KYNU: variants seen among roughly 807,000 people sequenced by gnomAD.
The protein encoded by KYNU is L-kynurenine hydrolase.
KYNU carries 54 observed loss-of-function variants against 59.2 expected under a neutral mutation model. The ratio of observed to expected loss-of-function variants is 0.91; its 90% CI spans 0.73 to 1.14. The LOEUF is 1.14. Ranked by LOEUF, KYNU falls within the 50% of genes most tolerant of loss-of-function variation. The pLI is 0.00. For synonymous variants in KYNU, 177 were observed against 192.0 expected, an observed-to-expected ratio of 0.92 and a Z score of 0.65; for missense variants, 567 against 554.4, an observed-to-expected ratio of 1.02 and a Z score of -0.23.
chr2:142,941,671 T>C (rs972544023), intron 4 of KYNU, among the ~76,000 whole-genome samples: 1 of 152,156 alleles, frequency 6.6e-6, no homozygotes, highest in Admixed American at 6.5e-5. Context: ...CACAGGAATT[T>C]AAGAGATTTG....
At chr2:143,010,992 A>T (rs1269620899) in intron 10 of KYNU, among the ~76,000 whole-genome samples, 2 of 146,040 alleles carry the variant, frequency 1.4e-5, no homozygotes, top group African/African-American at 5.1e-5. Flanking sequence ...CATTCAGGAC[A>T]TAGGCATGGG....
intron 8 of KYNU, among the ~76,000 whole-genome samples, chr2:142,963,234 C>T (rs932699465): frequency 9.2e-5 from 14 of 151,994 alleles, no homozygotes; most frequent in African/African-American, 3.4e-4. Flanking sequence ...GCCTTATAAC[C>T]ATCACCCCAT....
intron 10 of KYNU, among the ~76,000 whole-genome samples, chr2:142,997,029 TC>T (rs1685566250): frequency 6.6e-6 from 1 of 152,168 alleles, no homozygotes. Context: ...TCCTTTCCAC[TC>T]CTTTCTGTAA....
At chr2:142,964,716 G>T (rs1684473821) in intron 8 of KYNU, 1 of 152,134 alleles carries the variant, frequency 6.6e-6, no homozygotes, top group Non-Finnish European at 1.5e-5. Context: ...CATCAAAGAA[G>T]AAAACTAATT....
At chr2:142,927,437 C>T (rs1226858738) in intron 3 of KYNU, among the ~76,000 whole-genome samples, 1 of 134,678 alleles carries the variant, frequency 7.4e-6, no homozygotes, top group Non-Finnish European at 1.6e-5. Context: ...ACAATCTCCC[C>T]CATTCCTCAC....
chr2:142,951,254 A>G (rs1488783410), intron 4 of KYNU, among the ~76,000 whole-genome samples: 3 of 152,224 alleles, frequency 2.0e-5, no homozygotes, highest in Admixed American at 2.0e-4. Context: ...TGTTTAACAA[A>G]CAAACAAACA....
At chr2:142,988,831 T>C in intron 10 of KYNU, 5 of 1,585,188 alleles carry the variant, frequency 3.2e-6, no homozygotes, top group Non-Finnish European at 4.3e-6. Flanking sequence ...TATATTGTAC[T>C]TCATTTGCAT....
At chr2:142,963,783 T>G (rs1684432005) in intron 8 of KYNU, among the ~76,000 whole-genome samples, 1 of 152,208 alleles carries the variant, frequency 6.6e-6, no homozygotes, top group Non-Finnish European at 1.5e-5. Context: ...TTTGTCTAGT[T>G]TTGAACTTTA....
At position 143,001,241 on chromosome 2, in the gene KYNU, A is replaced by G. The variant is rs191645953; in HGVS notation, c.902+15220A>G. Among the ~76,000 whole-genome samples the G allele has an allele frequency of 1.0e-3, 154 of 152,230 alleles. 2 individuals carry two copies. Among genetic ancestry groups the G allele is most frequent in the Admixed American group, 8.9e-3 (136 of 15,282 alleles). On this transcript the variant is annotated intron_variant, in intron 10 of 13. Coordinates refer to ENST00000264170, the MANE Select transcript of KYNU (RefSeq NM_003937.3). ...GAGTCTGCCTACCACAATTCCATTG[A>G]ATATACTTAATTACCCCCTACCCCA...
intron 7 of KYNU, 128 bp downstream of exon 7, chr2:142,957,843 T>C: frequency 1.5e-6 from 1 of 656,244 alleles, no homozygotes; most frequent in Non-Finnish European, 2.7e-6. Context: ...GAAGGACCTA[T>C]ACTTCTGTTA....
In KYNU at chr2:143,045,486, T is replaced by C. The variant is rs985028453; in HGVS notation, c.*3314T>C. The C allele has an allele frequency of 1.3e-5, 2 of 152,170 alleles. No individual in the cohort carries two copies. Among genetic ancestry groups the C allele is most frequent in the Admixed American group, 6.6e-5 (1 of 15,262 alleles). The allele number at this position is 152,170 out of a possible 1,614,324, so 9.4% of individuals were successfully genotyped here. A position where few individuals can be genotyped will look rare whatever the true frequency, so the allele number is the denominator to read the frequency against. On this transcript the variant is annotated 3_prime_UTR_variant, in exon 14 of 14. Transcript: ENST00000264170. ...TGAGCATGGAATGTTTTTCCATTTG[T>C]TTGTGTCCTCTCTGGTATCCTTGAG...
At chr2:142,881,912 TTTTC>T (rs1477407396) in intron 1 of KYNU, among the ~76,000 whole-genome samples, 2 of 132,800 alleles carry the variant, frequency 1.5e-5, no homozygotes, top group African/African-American at 5.9e-5. Context: ...TTCTTTTCTT[TTTTC>T]TTTTTTTTTT....
chr2:142,954,425 A>C (rs190534882), intron 4 of KYNU, among the ~76,000 whole-genome samples: 19 of 152,204 alleles, frequency 1.2e-4, no homozygotes, highest in Non-Finnish European at 2.7e-4. Flanking sequence ...CGAACTTTAA[A>C]AATGTAATTG....
intron 8 of KYNU, among the ~76,000 whole-genome samples, chr2:142,984,670 G>A (rs1685147737): frequency 6.6e-6 from 1 of 151,986 alleles, no homozygotes; most frequent in African/African-American, 2.4e-5. Flanking sequence ...GAGATTTAAT[G>A]AAAATTGATC....
intron 2 of KYNU, among the ~76,000 whole-genome samples, chr2:142,888,626 G>T (rs929210507): frequency 6.6e-6 from 1 of 151,904 alleles, no homozygotes; most frequent in Non-Finnish European, 1.5e-5. Context: ...CAGAATTACT[G>T]AATCAGATTG....
At chr2:142,914,751 A>T (rs1682616550) in intron 2 of KYNU, among the ~76,000 whole-genome samples, 1 of 152,210 alleles carries the variant, frequency 6.6e-6, no homozygotes, top group African/African-American at 2.4e-5. Context: ...CTATGTCCGT[A>T]TAAGATGGTG....
chr2:142,989,073 G>T (rs572254756), intron 10 of KYNU, among the ~76,000 whole-genome samples: 1 of 151,846 alleles, frequency 6.6e-6, no homozygotes. Flanking sequence ...ACAATATCAC[G>T]CTGCTCAAAT....
intron 7 of KYNU, among the ~76,000 whole-genome samples, chr2:142,958,281 A>G (rs979578424): frequency 2.0e-5 from 3 of 152,152 alleles, no homozygotes; most frequent in Non-Finnish European, 4.4e-5. Flanking sequence ...AAGTTACTTT[A>G]TTCTCTGAGA....
chr2:142,983,708 C>T (rs1015289393), intron 8 of KYNU, among the ~76,000 whole-genome samples: 2 of 152,006 alleles, frequency 1.3e-5, no homozygotes, highest in Non-Finnish European at 2.9e-5. Context: ...TCTGTATTTA[C>T]TGTATTTGCA....
Sources: gnomAD v4.1 joint callset for allele counts (sites outside exome capture counted in the v4.1 genomes callset) on GRCh38, gnomAD v4.1.1 for gene constraint, MANE v1.5 for transcripts, NCBI Gene and HGNC (gene_info 2026-07-23, HGNC 2026-07-21) for gene names.